HNRNPM: variants seen among roughly 807,000 people sequenced by gnomAD.
The protein encoded by HNRNPM is CEA receptor.
HNRNPM carries 11 observed loss-of-function variants against 73.1 expected under a neutral mutation model. That is an observed-to-expected ratio of 0.15 (90% CI 0.09 to 0.25). HNRNPM has a LOEUF of 0.25. Ranked by LOEUF, HNRNPM falls within the 10% of genes least tolerant of loss-of-function variation. HNRNPM has a pLI of 1.00. For synonymous variants in HNRNPM, 407 were observed against 355.2 expected (o/e 1.15, Z -1.64); for missense variants, 789 against 1,067.9 (o/e 0.74, Z 3.64).
chr19:8,466,429 T>A (rs1407455353), intron 7 of HNRNPM, 41 bp downstream of exon 7: 14 of 1,599,530 alleles, frequency 8.8e-6, no homozygotes, highest in Non-Finnish European at 1.2e-5. Flanking sequence ...CAGTTTGACC[T>A]AAATTGCTGT....
At chr19:8,467,407 G>T (rs1381728808) in intron 7 of HNRNPM, 128 bp from the exon 8 acceptor site, 2 of 672,634 alleles carry the variant, frequency 3.0e-6, no homozygotes, top group Non-Finnish European at 2.7e-6. Flanking sequence ...GTATAATGAA[G>T]AATTGAAATT....
chr19:8,473,528 A>G (rs969917218), intron 10 of HNRNPM, 136 bp from the exon 11 acceptor site: 20 of 636,646 alleles, frequency 3.1e-5, no homozygotes, highest in Admixed American at 2.2e-4. Context: ...CTTGCTGATT[A>G]AAATATATAA....
At chr19:8,485,400 A>G (rs1405618932) in intron 13 of HNRNPM, among the ~76,000 whole-genome samples, 4 of 152,254 alleles carry the variant, frequency 2.6e-5, no homozygotes, top group Non-Finnish European at 5.9e-5. Context: ...CAGCTGTGGC[A>G]TAGAGCAGAG....
chr19:8,450,733 T>A (rs898078279), intron 1 of HNRNPM, among the ~76,000 whole-genome samples: 1,660 of 90,254 alleles, frequency 0.018, 28 homozygotes, highest in African/African-American at 0.054. Context: ...TATTATTTTT[T>A]TTTTTTTTGA....
chr19:8,470,460 C>T (rs577440484), intron 9 of HNRNPM, among the ~76,000 whole-genome samples: 11 of 151,912 alleles, frequency 7.2e-5, no homozygotes, highest in South Asian at 2.1e-4. Context: ...CAAGTAGCAG[C>T]GATTACAGGC....
At chr19:8,469,876 G>A (rs1259024785) in intron 9 of HNRNPM, among the ~76,000 whole-genome samples, 3 of 152,252 alleles carry the variant, frequency 2.0e-5, no homozygotes, top group African/African-American at 7.2e-5. Flanking sequence ...CACCTTTGCA[G>A]CGTAGCATTA....
At position 8,477,185 on chromosome 19, in the gene HNRNPM, A is replaced by G. The variant is rs1025646873; in HGVS notation, c.1120+2941A>G. Reference sequence around the variant, plus strand: ...CTAGATTCTTCAAGGCCCTCTCAGCATGGGAGGGAGAGATTCTTCAAGGAC... The same window carrying G: ...CTAGATTCTTCAAGGCCCTCTCAGCGTGGGAGGGAGAGATTCTTCAAGGAC... On this transcript the variant is annotated intron_variant, in intron 12 of 15. Coordinates refer to ENST00000325495, the MANE Select transcript of HNRNPM (RefSeq NM_005968.5). Among the ~76,000 whole-genome samples the G allele has an allele frequency of 2.6e-5, 4 of 152,096 alleles. No homozygotes were observed. In the East Asian group the frequency reaches 7.7e-4, roughly 29 times the overall value.
At chr19:8,455,350 C>T (rs765905844) in intron 1 of HNRNPM, 55 bp from the exon 2 acceptor site, 4 of 1,403,402 alleles carry the variant, frequency 2.9e-6, no homozygotes, top group South Asian at 1.3e-5. Flanking sequence ...AATTATCTTT[C>T]ACATTGTGCT....
rs752577331 is a variant in HNRNPM, at chr19:8,463,513, C to T, written c.344+9C>T. The T allele has an allele frequency of 3.1e-6, 5 of 1,613,762 alleles. No homozygotes were observed. Among genetic ancestry groups the T allele is most frequent in the Non-Finnish European group, 3.4e-6 (4 of 1,179,870 alleles). On this transcript the variant is annotated intron_variant, in intron 4 of 15. Coordinates refer to ENST00000325495, the MANE Select transcript of HNRNPM (RefSeq NM_005968.5). ...CCTCCAAAGGGATGTGCGTAAGTAT[C>T]GTCTAGTTACTTATTGGTATTTGAG... is the stretch of plus-strand genomic sequence containing the variant.
chr19:8,449,005 A>G (rs983305752), intron 1 of HNRNPM, among the ~76,000 whole-genome samples: 2 of 152,180 alleles, frequency 1.3e-5, no homozygotes, highest in East Asian at 3.8e-4. Flanking sequence ...TGCTGCTTTC[A>G]TGATACTACC....
chr19:8,486,513 C>T (rs1971321488), intron 14 of HNRNPM, 108 bp downstream of exon 14: 1 of 897,288 alleles, frequency 1.1e-6, no homozygotes, highest in Non-Finnish European at 1.7e-6. Context: ...GGGGACCACA[C>T]CTCCTTGCCA....
intron 11 of HNRNPM, 135 bp from the exon 12 acceptor site, chr19:8,474,032 T>G (rs1490771355): frequency 1.4e-6 from 1 of 691,988 alleles, no homozygotes; most frequent in Non-Finnish European, 2.4e-6. Flanking sequence ...ATTTTTTTTG[T>G]TTTTCAAAAG....
rs1969930179 is a variant in HNRNPM at position 8,468,717 on chromosome 19, T to C, written c.835-57T>C. 4 of 1,345,438 alleles carry C rather than the reference T, an allele frequency of 3.0e-6. 1 individual carries two copies. Among genetic ancestry groups the C allele is most frequent in the South Asian group, 2.3e-5 (2 of 85,562 alleles). 83.3% of individuals were successfully genotyped at this position (1,345,438 alleles called of 1,614,324 possible). ...ATGGGGGGCCATTTCAGTCTTTTGC[T>C]GTTGCAAACACTGCTGCACTGGATA... On this transcript the variant is annotated intron_variant, in intron 8 of 15. Coordinates refer to ENST00000325495, the MANE Select transcript of HNRNPM (RefSeq NM_005968.5).
rs183710485 is a variant in HNRNPM at position 8,486,626 on chromosome 19, G to A, written c.1977+221G>A. Among the ~76,000 whole-genome samples the A allele has an allele frequency of 1.6e-3, 227 of 140,100 alleles. 2 individuals are homozygous for A. Among genetic ancestry groups the A allele is most frequent in the Middle Eastern group, 0.011 (3 of 276 alleles). The allele number at this position is 140,100 out of a possible 152,430, so 91.9% of individuals were successfully genotyped here. A position where few individuals can be genotyped will look rare whatever the true frequency, so the allele number is the denominator to read the frequency against. On this transcript the variant is annotated intron_variant, in intron 14 of 15. Coordinates refer to ENST00000325495, the MANE Select transcript of HNRNPM (RefSeq NM_005968.5). ...CACTGTGCTAGAATATGGAGCAGACGCTGAGCTCAGAGACTCCAGTTTCTG... is the reference window on the plus strand; with the variant it reads ...CACTGTGCTAGAATATGGAGCAGACACTGAGCTCAGAGACTCCAGTTTCTG...
At chr19:8,476,550 G>T (rs927443588) in intron 12 of HNRNPM, among the ~76,000 whole-genome samples, 2 of 127,392 alleles carry the variant, frequency 1.6e-5, no homozygotes, top group East Asian at 4.7e-4. Context: ...TAATCCCAGC[G>T]CATTGAGATT....
chr19:8,488,898 T>A lies in HNRNPM; in HGVS notation c.*44T>A. The A allele has an allele frequency of 6.6e-7, 1 of 1,511,852 alleles. No homozygotes were observed. Among genetic ancestry groups the A allele is most frequent in the Non-Finnish European group, 9.0e-7 (1 of 1,111,560 alleles). 93.7% of individuals were successfully genotyped at this position (1,511,852 alleles called of 1,614,324 possible). On this transcript the variant is annotated 3_prime_UTR_variant, in exon 16 of 16. Coordinates refer to ENST00000325495, the MANE Select transcript of HNRNPM (RefSeq NM_005968.5). The stretch of plus-strand genomic sequence containing the variant: ...CATCGATACGAGACCTCTGAATTTG[T>A]ATTTTTTCTTGTTAACCATTTTAAT...
In HNRNPM at chr19:8,446,450, C is replaced by G. The variant is rs558620409; in HGVS notation, c.113+1339C>G. The stretch of plus-strand genomic sequence containing the variant: ...TTTGAGACAGGGTCTCCCTCTGTTA[C>G]CCAAGCTGGGATGCAGTGGCACGAT... On this transcript the variant is annotated intron_variant, in intron 1 of 15. Coordinates refer to ENST00000325495, the MANE Select transcript of HNRNPM (RefSeq NM_005968.5). Among the ~76,000 whole-genome samples, 11 of 152,266 alleles carry G rather than the reference C, an allele frequency of 7.2e-5. No homozygotes were observed. In the South Asian group the frequency reaches 1.2e-3, roughly 17 times the overall value.
chr19:8,481,315 G>C (rs1389533553), intron 12 of HNRNPM, among the ~76,000 whole-genome samples: 3 of 152,222 alleles, frequency 2.0e-5, no homozygotes, highest in Non-Finnish European at 4.4e-5. Context: ...TTGGTTGCCA[G>C]ATGCTGCTCA....
intron 1 of HNRNPM, among the ~76,000 whole-genome samples, chr19:8,448,392 G>T (rs907298541): frequency 2.0e-5 from 3 of 152,026 alleles, no homozygotes; most frequent in African/African-American, 7.2e-5. Context: ...CATTTTAGGG[G>T]AATGTATAGG....
Sources: allele counts gnomAD v4.1 joint callset (sites outside exome capture counted in the v4.1 genomes callset), GRCh38; gene constraint gnomAD v4.1.1; transcripts MANE v1.5; gene names NCBI Gene and HGNC (gene_info 2026-07-23, HGNC 2026-07-21).